SQOR: variants seen among roughly 807,000 people sequenced by gnomAD.
SQOR encodes the protein sulfide quinone oxidoreductase.
SQOR carries 39 observed loss-of-function variants against 48.6 expected under a neutral mutation model. That is an observed-to-expected ratio of 0.80 (90% CI 0.62 to 1.05). The LOEUF is 1.05. SQOR is among the 50% of genes least tolerant of loss of function. The probability of loss-of-function intolerance (pLI) is 0.00; values close to 1 mark genes in which losing one functional copy is unlikely to be tolerated. For missense variants in SQOR, 561 were observed against 559.9 expected (o/e 1.00, Z -0.02); for synonymous variants, 220 against 206.2 (o/e 1.07, Z -0.57).
At chr15:45,688,470 T>C in intron 8 of SQOR, 66 bp downstream of exon 8, 1 of 1,245,510 alleles carries the variant, frequency 8.0e-7, no homozygotes, top group Non-Finnish European at 1.1e-6. Flanking sequence ...AAGTAGTGTT[T>C]TCCCACAATT....
In SQOR at chr15:45,673,262, G is replaced by A. The variant is rs78172201; in HGVS notation, c.460-345G>A. Among the ~76,000 whole-genome samples, 3 of 152,332 alleles carry A rather than the reference G, an allele frequency of 2.0e-5. No homozygotes were observed. In the East Asian group the frequency reaches 5.8e-4, roughly 29 times the overall value. ...GATGATATAAATGGCTCTTGGTCCT[G>A]CCAGTTGTTCTTTCCAGTGAGGCAA... On this transcript the variant is annotated intron_variant, in intron 4 of 9. Coordinates refer to ENST00000260324, the MANE Select transcript of SQOR (RefSeq NM_021199.4).
intron 8 of SQOR, among the ~76,000 whole-genome samples, chr15:45,688,610 C>G (rs1231809437): frequency 6.6e-6 from 1 of 151,616 alleles, no homozygotes; most frequent in African/African-American, 2.4e-5. Context: ...CTCCTGGGTT[C>G]AAGCGATTCT....
chr15:45,645,001 G>T (rs1414981702), intron 1 of SQOR, among the ~76,000 whole-genome samples: 1 of 152,108 alleles, frequency 6.6e-6, no homozygotes, highest in Non-Finnish European at 1.5e-5. Flanking sequence ...CAGTCTCTGG[G>T]ATTAGCAAGA....
In SQOR at chr15:45,657,265, A is replaced by ATTTTT. The variant is rs33993204; in HGVS notation, c.-17-1635_-17-1631dup. On this transcript the variant is annotated intron_variant, in intron 1 of 9. Coordinates refer to ENST00000260324, the MANE Select transcript of SQOR (RefSeq NM_021199.4). Reference sequence around the variant, plus strand: ...CTTCCCTGGCCCGTGTGGAGCCTGCATTTTTTTTTTTCTGTCCCCAGGACA... The same window carrying ATTTTT: ...CTTCCCTGGCCCGTGTGGAGCCTGCATTTTTTTTTTTTTTTTCTGTCCCCAGGACA... 7.4e-4 allele frequency among the ~76,000 whole-genome samples: 110 copies of ATTTTT among 148,032 alleles called. 1 individual carries two copies. Among genetic ancestry groups the ATTTTT allele is most frequent in the African/African-American group, 1.4e-3 (56 of 40,124 alleles).
At chr15:45,632,452 C>A (rs12905725), upstream of SQOR, among the ~76,000 whole-genome samples, 1 of 152,010 alleles carries the variant, frequency 6.6e-6, no homozygotes, top group African/African-American at 2.4e-5. Flanking sequence ...GAACTCCTGA[C>A]CTCGTGATCT....
At position 45,676,179 on chromosome 15, in the gene SQOR, G is replaced by T. The variant is rs749671913; in HGVS notation, c.733G>T (p.Ala245Ser). Residue 245 changes from alanine to serine, a missense_variant, in exon 6 of 10, where the codon GCC becomes TCC. Transcript: ENST00000260324. ...AIFGVKKYAD[A>S]LQEIIQERNL... The stretch of plus-strand genomic sequence containing the variant: ...TTTCGGGGTTAAGAAGTATGCAGAT[G>T]CCCTGCAGGAGATCATCCAGGAGCG... 3.7e-6 allele frequency: 6 copies of T among 1,614,036 alleles called. No homozygotes were observed. The Admixed American group carries it at 8.3e-5, about 22-fold the overall frequency.
At chr15:45,675,904 G>C (rs1890027303) in intron 5 of SQOR, among the ~76,000 whole-genome samples, 197 bp from the exon 6 acceptor site, 1 of 152,132 alleles carries the variant, frequency 6.6e-6, no homozygotes, top group South Asian at 2.1e-4. Flanking sequence ...CCCAACTCAA[G>C]TGTGTACTTA....
chr15:45,648,377 C>T (rs746650312), intron 1 of SQOR, among the ~76,000 whole-genome samples: 3 of 152,068 alleles, frequency 2.0e-5, no homozygotes, highest in African/African-American at 7.2e-5. Flanking sequence ...GGGGTTTCAC[C>T]ATATTGGCCA....
upstream of SQOR, among the ~76,000 whole-genome samples, chr15:45,632,950 A>AAT (rs1555399771): frequency 7.2e-4 from 109 of 152,038 alleles, no homozygotes; most frequent in African/African-American, 2.5e-3. Flanking sequence ...ACAAAAAAAA[A>AAT]AAATAAATAA....
rs1357319205 is a variant in SQOR at position 45,673,701 on chromosome 15, T to A, written c.554T>A (p.Phe185Tyr). The change falls in exon 5 of 10, where the codon TTC becomes TAC. Residue 185 changes from phenylalanine to tyrosine, a missense_variant. By Grantham distance (22) the Phe-to-Tyr change is conservative. Transcript: ENST00000260324. ...VEKTWKALQD[F>Y]KEGNAIFTFP... ...AAGACATGGAAAGCTCTGCAGGACT[T>A]CAAAGAGGGCAATGCCATCTTCACC... The A allele has an allele frequency of 6.2e-7, 1 of 1,614,098 alleles. No individual in the cohort carries two copies. Among genetic ancestry groups the A allele is most frequent in the Non-Finnish European group, 8.5e-7 (1 of 1,180,024 alleles).
intron 3 of SQOR, among the ~76,000 whole-genome samples, chr15:45,662,927 T>C (rs1405605516): frequency 6.6e-6 from 1 of 152,226 alleles, no homozygotes; most frequent in Non-Finnish European, 1.5e-5. Context: ...ACTGGGACTC[T>C]GGCATTTTCA....
rs893839577 is a variant in SQOR, at chr15:45,658,856, C to T, written c.-17-51C>T. On this transcript the variant is annotated intron_variant, in intron 1 of 9. Transcript: ENST00000260324. ...CCTCCTGGAAAGAAAACGCTTCAGT[C>T]CCACGATGGTTTCTACCTTGGCACT... 9 of 1,357,314 alleles carry T rather than the reference C, an allele frequency of 6.6e-6. No homozygotes were observed. In the Admixed American group the frequency reaches 2.1e-4, roughly 32 times the overall value. The allele number at this position is 1,357,314 out of a possible 1,614,324, so 84.1% of individuals were successfully genotyped here.
intron 9 of SQOR, among the ~76,000 whole-genome samples, chr15:45,690,333 T>A (rs1890300699): frequency 6.6e-6 from 1 of 152,192 alleles, no homozygotes; most frequent in South Asian, 2.1e-4. Flanking sequence ...CCCAAAGTGC[T>A]GGGATTACCG....
At chr15:45,690,816 C>G (rs1364412554) in intron 9 of SQOR, among the ~76,000 whole-genome samples, 157 bp from the exon 10 acceptor site, 2 of 152,214 alleles carry the variant, frequency 1.3e-5, no homozygotes, top group African/African-American at 2.4e-5. Context: ...GTTGTCCCCT[C>G]CTAGTCATGG....
At chr15:45,650,351 G>A (rs547258256) in intron 1 of SQOR, among the ~76,000 whole-genome samples, 35 of 152,272 alleles carry the variant, frequency 2.3e-4, no homozygotes, top group East Asian at 9.6e-4. Context: ...CGGCGTGTCC[G>A]GAGTTTGTTC....
In SQOR at chr15:45,658,611, C is replaced by T. The variant is rs564654406; in HGVS notation, c.-17-296C>T. 3.9e-5 allele frequency among the ~76,000 whole-genome samples: 6 copies of T among 152,272 alleles called. No individual in the cohort carries two copies. The South Asian group carries it at 1.2e-3, about 32-fold the overall frequency. ...TCTTACGGATGGACAAGGATGGGTA[C>T]AGACAGGTTATTAGGAAGGACTTAA... On this transcript the variant is annotated intron_variant, in intron 1 of 9. Transcript: ENST00000260324.
At chr15:45,643,567 C>A (rs1488085274) in intron 1 of SQOR, among the ~76,000 whole-genome samples, 3 of 152,190 alleles carry the variant, frequency 2.0e-5, no homozygotes, top group African/African-American at 7.2e-5. Context: ...CAAAGATACA[C>A]TTACATATTT....
intron 1 of SQOR, among the ~76,000 whole-genome samples, chr15:45,648,096 G>A (rs548522340): frequency 2.0e-5 from 3 of 152,264 alleles, no homozygotes; most frequent in East Asian, 3.9e-4. Flanking sequence ...AGGTTATGAG[G>A]AGTCTTTGAG....
chr15:45,657,284 C>T (rs1463096224), intron 1 of SQOR, among the ~76,000 whole-genome samples: 1 of 145,308 alleles, frequency 6.9e-6, no homozygotes, highest in Non-Finnish European at 1.5e-5. Context: ...TTTCTGTCCC[C>T]AGGACATAAT....
Sources: allele counts gnomAD v4.1 joint callset (sites outside exome capture counted in the v4.1 genomes callset), GRCh38; gene constraint gnomAD v4.1.1; transcripts MANE v1.5; gene names NCBI Gene and HGNC (gene_info 2026-07-23, HGNC 2026-07-21).